The following SRRM2 variants were observed in gnomAD, a reference collection of about 807,000 sequenced individuals.
SRRM2 encodes serine/arginine repetitive matrix protein 2.
Under a neutral mutation model 213.8 loss-of-function variants are expected in SRRM2, and 30 were observed. The observed-to-expected ratio is 0.14, with a 90% confidence interval of 0.10 to 0.19. The LOEUF (loss-of-function observed/expected upper bound fraction) is 0.19. SRRM2 is among the 10% of genes least tolerant of loss of function. SRRM2 has a pLI of 1.00. For missense variants in SRRM2, 4,904 were observed against 3,647.0 expected, an observed-to-expected ratio of 1.34 and a Z score of -8.88; for synonymous variants, 2,025 against 1,377.7, an observed-to-expected ratio of 1.47 and a Z score of -10.40.
At chr16:2,769,392 A>T in intron 12 of SRRM2, 108 bp downstream of exon 12, 1 of 1,323,490 alleles carries the variant, frequency 7.6e-7, no homozygotes, top group South Asian at 1.4e-5. Context: ...GGCCTTGGGC[A>T]TCTGGTTGTG....
In SRRM2 at chr16:2,764,231, G is replaced by A; in HGVS notation, c.3703G>A (p.Asp1235Asn). 1 of 1,614,214 alleles carries A rather than the reference G, an allele frequency of 6.2e-7. No individual in the cohort carries two copies. The highest frequency in any genetic ancestry group is 1.6e-4 in the Middle Eastern group (1 of 6,062). The change falls in exon 11 of 15, where the codon GAT becomes AAT. Residue 1235 changes from aspartate to asparagine, a missense_variant. Asp to Asn is a conservative substitution (Grantham distance 23). Coordinates refer to ENST00000301740, the MANE Select transcript of SRRM2 (RefSeq NM_016333.4). ...QNSALPTSSQ[D>N]EELMEVVEKS... ...TAGTGCATTGCCTACGTCAAGCCAAGATGAAGAGTTAATGGAGGTGGTAGA... is the reference window on the plus strand; with the variant it reads ...TAGTGCATTGCCTACGTCAAGCCAAAATGAAGAGTTAATGGAGGTGGTAGA...
chr16:2,759,525 C>T (rs773888417), intron 8 of SRRM2, 44 bp from the exon 9 acceptor site: 6 of 1,606,686 alleles, frequency 3.7e-6, no homozygotes, highest in Non-Finnish European at 4.3e-6. Flanking sequence ...GAATCCAGGG[C>T]AGGTACAGCA....
In SRRM2 at chr16:2,767,527, A is replaced by G. The variant is rs745608820; in HGVS notation, c.6999A>G (p.Pro2333=). The G allele has an allele frequency of 3.1e-6, 5 of 1,614,154 alleles. No homozygotes were observed. Among genetic ancestry groups the G allele is most frequent in the Non-Finnish European group, 4.2e-6 (5 of 1,180,032 alleles). The part of the protein sequence containing the change: ...YPSSSRTPQA[P]ASANLVGPRS... ...CCAGCTCCAGAACACCACAGGCTCCAGCCTCTGCAAACCTGGTGGGTCCTC... is the reference window on the plus strand; with the variant it reads ...CCAGCTCCAGAACACCACAGGCTCCGGCCTCTGCAAACCTGGTGGGTCCTC... Residue 2333 remains proline, a synonymous_variant, in exon 11 of 15, where the codon CCA becomes CCG. Coordinates refer to ENST00000301740, the MANE Select transcript of SRRM2 (RefSeq NM_016333.4).
chr16:2,761,810 A>G lies in SRRM2; in HGVS notation c.1282A>G (p.Thr428Ala). The change falls in exon 11 of 15, where the codon ACC becomes GCC. Residue 428 changes from threonine (T) to alanine (A), a missense_variant. By Grantham distance (58) the Thr-to-Ala change is moderately conservative (BLOSUM62 0). Transcript: ENST00000301740. ...SESSPPSPQP[T>A]KVSRHASSSP... ...GAGCAGCCCACCATCCCCTCAACCT[A>G]CCAAAGTTTCTCGGCATGCCAGCTC... is the stretch of plus-strand genomic sequence containing the variant. 2 of 1,613,380 alleles carry G rather than the reference A, an allele frequency of 1.2e-6. No individual in the cohort carries two copies. Among genetic ancestry groups the G allele is most frequent in the Non-Finnish European group, 1.7e-6 (2 of 1,179,844 alleles).
At chr16:2,769,846 A>G (rs1178612604) in intron 12 of SRRM2, 1 of 464,408 alleles carries the variant, frequency 2.2e-6, no homozygotes, top group Non-Finnish European at 4.3e-6. Flanking sequence ...GCCCCCACAC[A>G]TGCCCTGTGC....
In SRRM2 at chr16:2,762,326, A is replaced by T. The variant is rs532418678; in HGVS notation, c.1798A>T (p.Thr600Ser). Residue 600 changes from threonine (T) to serine (S), a missense_variant, in exon 11 of 15, where the codon ACC (threonine) becomes TCC (serine). By Grantham distance (58) the Thr-to-Ser change is moderately conservative (BLOSUM62 1). Transcript: ENST00000301740. ...ARRRSRSRTP[T>S]RRRSRSRTPA... ...GCGGAGATCACGATCCAGAACTCCC[A>T]CCAGGCGTAGGTCTCGGTCTAGAAC... The T allele has an allele frequency of 3.7e-6, 6 of 1,613,912 alleles. No homozygotes were observed. The African/African-American group carries it at 8.0e-5, about 22-fold the overall frequency.
chr16:2,770,017 C>CT (rs1321861372), intron 12 of SRRM2: 2 of 654,728 alleles, frequency 3.1e-6, no homozygotes, highest in East Asian at 7.7e-5. Flanking sequence ...CCTTCCCTGC[C>CT]TTGCCCCATG....
At chr16:2,761,417 C>G (rs2150774922) in intron 10 of SRRM2, 144 bp from the exon 11 acceptor site, 1 of 598,720 alleles carries the variant, frequency 1.7e-6, no homozygotes, top group South Asian at 4.3e-5. Context: ...TATATGATTC[C>G]TTGTTATTGA....
chr16:2,771,049 C>A lies in SRRM2; in HGVS notation c.*182C>A, dbSNP rs760276685. ...TTTGTTCCTGTGAAATGTTAATCTCCGTGAGTTCTTCCTGGTTCATGTGTT... is the reference window on the plus strand; with the variant it reads ...TTTGTTCCTGTGAAATGTTAATCTCAGTGAGTTCTTCCTGGTTCATGTGTT... On this transcript the variant is annotated 3_prime_UTR_variant, in exon 15 of 15. Transcript: ENST00000301740. The A allele has an allele frequency of 4.4e-6, 2 of 449,690 alleles. No homozygotes were observed. The highest frequency in any genetic ancestry group is 5.2e-5 in the East Asian group (1 of 19,184). 27.9% of individuals were successfully genotyped at this position (449,690 alleles called of 1,614,324 possible).
chr16:2,758,744 T>C (rs1596267227), intron 5 of SRRM2, 197 bp downstream of exon 5: 1 of 679,458 alleles, frequency 1.5e-6, no homozygotes. Flanking sequence ...GTTCTGCTAA[T>C]TAAGATTGGC....
chr16:2,768,183 C>A lies in SRRM2; in HGVS notation c.7655C>A (p.Ser2552Tyr). The A allele has an allele frequency of 6.9e-7, 1 of 1,439,736 alleles. No individual in the cohort carries two copies. Among genetic ancestry groups the A allele is most frequent in the Non-Finnish European group, 9.6e-7 (1 of 1,043,184 alleles). 89.2% of individuals were successfully genotyped at this position (1,439,736 alleles called of 1,614,324 possible). The change falls in exon 11 of 15, where the codon TCC becomes TAC. Residue 2552 changes from serine to tyrosine, a missense_variant. Transcript: ENST00000301740. ...SSSSSSSSSS[S>Y]SSSSGSSSSD... ...TCTTCTTCATCATCGTCGTCGTCGTCCTCCTCCTCCTCTGGCTCCAGTTCT... is the reference window on the plus strand; with the variant it reads ...TCTTCTTCATCATCGTCGTCGTCGTACTCCTCCTCCTCTGGCTCCAGTTCT...
At chr16:2,769,764 C>A (rs754991095) in intron 12 of SRRM2, 1 of 467,498 alleles carries the variant, frequency 2.1e-6, no homozygotes, top group South Asian at 1.5e-5. Flanking sequence ...GGACAAAGCC[C>A]CACCTCTGCG....
intron 2 of SRRM2, 86 bp from the exon 3 acceptor site, chr16:2,757,386 G>T (rs1217607653): frequency 8.2e-7 from 1 of 1,216,946 alleles, no homozygotes; most frequent in African/African-American, 1.5e-5. Context: ...AGAGGGAGGG[G>T]CCCCTTTTGG....
intron 10 of SRRM2, among the ~76,000 whole-genome samples, chr16:2,761,177 A>T (rs2240144): frequency 6.6e-6 from 1 of 152,334 alleles, no homozygotes; most frequent in East Asian, 1.9e-4. Context: ...TCACATCTTT[A>T]TTCATGCTGT....
In SRRM2 at chr16:2,760,350, A is replaced by T. The variant is rs760840787; in HGVS notation, c.883A>T (p.Ser295Cys). The change falls in exon 10 of 15, where the codon AGT becomes TGT. Residue 295 changes from serine (S) to cysteine (C), a missense_variant. Physicochemically the swap from Ser to Cys is moderately radical, Grantham distance 112. Coordinates refer to ENST00000301740, the MANE Select transcript of SRRM2 (RefSeq NM_016333.4). ...TCATACAACTGCCTTGGCTGGGCGA[A>T]GTCCTTCCCCTGCTTCAGGGCGACG... ...KTHTTALAGR[S>C]PSPASGRRGE... The T allele has an allele frequency of 2.5e-6, 4 of 1,614,020 alleles. No homozygotes were observed. The highest frequency in any genetic ancestry group is 1.7e-5 in the Admixed American group (1 of 60,004).
intron 1 of SRRM2, among the ~76,000 whole-genome samples, chr16:2,753,148 C>T (rs1311755810): frequency 1.3e-5 from 2 of 152,160 alleles, no homozygotes; most frequent in South Asian, 2.1e-4. Context: ...CTCCTCCCCC[C>T]AACATGTGCC....
intron 12 of SRRM2, chr16:2,770,028 T>C: frequency 1.3e-6 from 1 of 744,064 alleles, no homozygotes. Flanking sequence ...TTGCCCCATG[T>C]CCCCCTCCCT....
intron 2 of SRRM2, 87 bp from the exon 3 acceptor site, chr16:2,757,385 G>A: frequency 5.0e-6 from 6 of 1,204,730 alleles, no homozygotes; most frequent in Non-Finnish European, 7.3e-6. Flanking sequence ...GAGAGGGAGG[G>A]GCCCCTTTTG....
Position 2,757,466 on chromosome 16 carries a change from C to A in SRRM2, c.243-6C>A, listed in dbSNP as rs763140371. On this transcript the variant is annotated splice_polypyrimidine_tract_variant and splice_region_variant and intron_variant, in intron 2 of 14. Coordinates refer to ENST00000301740, the MANE Select transcript of SRRM2 (RefSeq NM_016333.4). ...GAGCTTAACCCTGAAGGGATTTGTT[C>A]TTCAGGTACGAGGAACAGCAAATTC... 6.2e-7 allele frequency: 1 copy of A among 1,613,538 alleles called. No individual in the cohort carries two copies. Among genetic ancestry groups the A allele is most frequent in the Non-Finnish European group, 8.5e-7 (1 of 1,179,572 alleles).
Sources: gnomAD v4.1 joint callset for allele counts (sites outside exome capture counted in the v4.1 genomes callset) on GRCh38, gnomAD v4.1.1 for gene constraint, MANE v1.5 for transcripts, NCBI Gene and HGNC (gene_info 2026-07-23, HGNC 2026-07-21) for gene names.